VWA3A: variants seen among roughly 807,000 people sequenced by gnomAD.
VWA3A encodes the protein von Willebrand factor A domain containing 3A.
A neutral mutation model predicts 160.4 loss-of-function variants in VWA3A; 134 were observed. The observed-to-expected ratio is 0.84, with a 90% CI of 0.73 to 0.96. The LOEUF (loss-of-function observed/expected upper bound fraction) is 0.96. VWA3A is among the 40% of genes least tolerant of loss of function. The pLI is 0.00. For synonymous variants in VWA3A, 476 were observed against 543.4 expected, an observed-to-expected ratio of 0.88 and a Z score of 1.72; for missense variants, 1,310 against 1,447.9, an observed-to-expected ratio of 0.90 and a Z score of 1.55.
At chr16:22,135,835 G>T (rs1456240219) in intron 21 of VWA3A, among the ~76,000 whole-genome samples, 1 of 152,070 alleles carries the variant, frequency 6.6e-6, no homozygotes. Context: ...TGTCGCCCAG[G>T]CTGGAGTGCC....
chr16:22,109,691 A>C, intron 7 of VWA3A, 111 bp downstream of exon 7: 1 of 886,318 alleles, frequency 1.1e-6, no homozygotes. Context: ...AGGGTGTCTT[A>C]TAAAGAACAG....
intron 3 of VWA3A, 120 bp from the exon 4 acceptor site, chr16:22,100,074 T>TG: frequency 2.6e-6 from 3 of 1,162,134 alleles, no homozygotes; most frequent in East Asian, 2.6e-5. Context: ...AAACTCCGTC[T>TG]CAAAAAAAAA....
chr16:22,131,574 T>C lies in VWA3A; in HGVS notation c.1728-11T>C. The C allele has an allele frequency of 6.2e-7, 1 of 1,609,968 alleles. No homozygotes were observed. The highest frequency in any genetic ancestry group is 8.5e-7 in the Non-Finnish European group (1 of 1,177,934). On this transcript the variant is annotated splice_polypyrimidine_tract_variant and intron_variant, in intron 18 of 33. Coordinates refer to ENST00000389398, the MANE Select transcript of VWA3A (RefSeq NM_173615.5). ...CAATGACCCTCAGCATGGCCATCTC[T>C]GCCTCCGCAGGTGGGCCCTGAACCT...
chr16:22,142,043 G>A (rs1365979221), intron 24 of VWA3A, among the ~76,000 whole-genome samples: 2 of 152,188 alleles, frequency 1.3e-5, no homozygotes, highest in African/African-American at 2.4e-5. Context: ...AAATGGTGCA[G>A]ATCCCAAGAA....
intron 5 of VWA3A, among the ~76,000 whole-genome samples, chr16:22,101,921 T>C (rs2045413421): frequency 6.6e-6 from 1 of 152,226 alleles, no homozygotes; most frequent in African/African-American, 2.4e-5. Context: ...TTTTAGCAAA[T>C]TGACTTGGAT....
intron 25 of VWA3A, among the ~76,000 whole-genome samples, chr16:22,144,036 G>A (rs144366227): frequency 1.3e-5 from 2 of 151,878 alleles, no homozygotes; most frequent in Admixed American, 6.6e-5. Context: ...ATGAGCCACC[G>A]CGTCCAGCCT....
intron 27 of VWA3A, among the ~76,000 whole-genome samples, chr16:22,147,051 G>A (rs1395558659): frequency 2.6e-5 from 4 of 152,080 alleles, no homozygotes; most frequent in African/African-American, 9.7e-5. Context: ...TTAGAAACAG[G>A]GTCTTTCTCT....
intron 7 of VWA3A, 115 bp from the exon 8 acceptor site, chr16:22,110,773 C>A: frequency 2.2e-6 from 2 of 896,308 alleles, no homozygotes; most frequent in East Asian, 2.9e-5. Context: ...CCTCGAGCAG[C>A]CCTATTCAGT....
At chr16:22,148,976 G>T (rs546528631) in intron 28 of VWA3A, among the ~76,000 whole-genome samples, 1 of 152,064 alleles carries the variant, frequency 6.6e-6, no homozygotes, top group Non-Finnish European at 1.5e-5. Context: ...ATCCAGAAGG[G>T]TTGACCCGAA....
At chr16:22,142,544 C>A in intron 24 of VWA3A, 124 bp from the exon 25 acceptor site, 1 of 682,214 alleles carries the variant, frequency 1.5e-6, no homozygotes, top group South Asian at 1.7e-5. Flanking sequence ...CATGAGGGAT[C>A]CGTTCCCATG....
intron 8 of VWA3A, among the ~76,000 whole-genome samples, chr16:22,114,402 C>T (rs1298392748): frequency 2.0e-5 from 3 of 152,216 alleles, no homozygotes; most frequent in Non-Finnish European, 4.4e-5. Flanking sequence ...GCGGAATTAA[C>T]TCCATGCCTC....
intron 21 of VWA3A, among the ~76,000 whole-genome samples, chr16:22,134,658 GTGTTTGTT>G (rs34781292): frequency 4.0e-4 from 61 of 151,500 alleles, no homozygotes; most frequent in Admixed American, 1.6e-3. Context: ...GTGGCAATTG[GTGTTTGTT>G]TGTTTGTTTG....
intron 8 of VWA3A, among the ~76,000 whole-genome samples, chr16:22,114,366 C>G (rs559728860): frequency 1.9e-4 from 29 of 152,306 alleles, no homozygotes; most frequent in African/African-American, 7.0e-4. Flanking sequence ...AGCCATAAAG[C>G]TTTCTCTTAG....
chr16:22,097,091 G>A (rs1190576520), intron 2 of VWA3A, 146 bp downstream of exon 2: 8 of 583,928 alleles, frequency 1.4e-5, no homozygotes, highest in African/African-American at 3.8e-5. Context: ...TCAGCCTCCC[G>A]AGTAGCTGGG....
At chr16:22,121,750 A>T in intron 14 of VWA3A, 133 bp downstream of exon 14, 1 of 686,310 alleles carries the variant, frequency 1.5e-6, no homozygotes, top group East Asian at 2.6e-5. Context: ...TAGAATGCAC[A>T]TCAAATCCAC....
chr16:22,111,072 T>G, intron 8 of VWA3A, 78 bp downstream of exon 8: 1 of 1,277,852 alleles, frequency 7.8e-7, no homozygotes, highest in Non-Finnish European at 1.1e-6. Flanking sequence ...TATTGAATAA[T>G]TCAACTGCAA....
rs80032231 is a variant in VWA3A at position 22,116,875 on chromosome 16, C to T, written c.924+8C>T. 1.2e-6 allele frequency: 2 copies of T among 1,609,364 alleles called. No homozygotes were observed. The highest frequency in any genetic ancestry group is 1.7e-5 in the Admixed American group (1 of 59,992). ...GATGATCAGATGCCCCCTGTGAGTG[C>T]CCGAGATTCTCTGAGGTGCCCCTTG... On this transcript the variant is annotated splice_region_variant and intron_variant, in intron 10 of 33. Transcript: ENST00000389398.
At chr16:22,117,018 G>A in intron 10 of VWA3A, 93 bp from the exon 11 acceptor site, 1 of 1,473,976 alleles carries the variant, frequency 6.8e-7, no homozygotes, top group East Asian at 2.5e-5. Context: ...AAAATGGGAA[G>A]CTTTGGATAA....
chr16:22,135,166 C>A (rs1257897593), intron 21 of VWA3A, among the ~76,000 whole-genome samples: 1 of 152,168 alleles, frequency 6.6e-6, no homozygotes, highest in African/African-American at 2.4e-5. Context: ...TAGCAAAATT[C>A]TTTGCCAAAA....
Sources: gnomAD v4.1 joint callset for allele counts (sites outside exome capture counted in the v4.1 genomes callset) on GRCh38, gnomAD v4.1.1 for gene constraint, MANE v1.5 for transcripts, NCBI Gene and HGNC (gene_info 2026-07-23, HGNC 2026-07-21) for gene names.